The following CDC42BPB variants were observed in gnomAD, a reference collection of about 807,000 sequenced individuals.
CDC42BPB encodes CDC42 binding protein kinase beta.
In CDC42BPB, 37 loss-of-function variants were observed where a neutral mutation model predicts 214.9. The ratio of observed to expected loss-of-function variants is 0.17; its 90% CI spans 0.13 to 0.23. The LOEUF is 0.23. Ranked by LOEUF, CDC42BPB falls within the 10% of genes least tolerant of loss-of-function variation. CDC42BPB has a pLI of 1.00. For missense variants in CDC42BPB, 1,694 were observed against 2,227.0 expected, an observed-to-expected ratio of 0.76 and a Z score of 4.82; for synonymous variants, 931 against 884.0, an observed-to-expected ratio of 1.05 and a Z score of -0.94.
At chr14:102,996,144 T>C (rs1027434270) in intron 5 of CDC42BPB, among the ~76,000 whole-genome samples, 23 of 151,840 alleles carry the variant, frequency 1.5e-4, no homozygotes, top group South Asian at 2.1e-4. Context: ...TCAAGACCAT[T>C]CTGGCTAACA....
At chr14:103,040,066 A>G (rs1437331041) in intron 1 of CDC42BPB, among the ~76,000 whole-genome samples, 1 of 152,250 alleles carries the variant, frequency 6.6e-6, no homozygotes, top group Non-Finnish European at 1.5e-5. Flanking sequence ...GTAAAAATAG[A>G]TAAAGTGGCC....
chr14:103,048,681 C>G (rs1888438232), intron 1 of CDC42BPB, among the ~76,000 whole-genome samples: 1 of 150,402 alleles, frequency 6.6e-6, no homozygotes, highest in Admixed American at 6.7e-5. Flanking sequence ...GCACTCCAGC[C>G]TGGGCGACAG....
At position 102,947,426 on chromosome 14, in the gene CDC42BPB, C is replaced by T. The variant is rs34981882; in HGVS notation, c.3531+295G>A. On this transcript the variant is annotated intron_variant, in intron 27 of 36. Transcript: ENST00000361246. ...CAGCGCCCGCCTGGCAGTGCACACGCTGTGAGGACAGTGGCCGGGACGTGG... is the reference window on the plus strand; with the variant it reads ...CAGCGCCCGCCTGGCAGTGCACACGTTGTGAGGACAGTGGCCGGGACGTGG... Among the ~76,000 whole-genome samples, 424 of 152,314 alleles carry T rather than the reference C, an allele frequency of 2.8e-3. 3 individuals carry two copies. Among genetic ancestry groups the T allele is most frequent in the African/African-American group, 0.01 (416 of 41,580 alleles).
chr14:102,979,278 T>C (rs1010153886), intron 8 of CDC42BPB, among the ~76,000 whole-genome samples: 2 of 151,704 alleles, frequency 1.3e-5, no homozygotes, highest in Admixed American at 6.6e-5. Context: ...CAGTGGCGTA[T>C]TCTCAGGCAC....
intron 2 of CDC42BPB, 123 bp from the exon 3 acceptor site, chr14:103,008,678 C>A: frequency 6.8e-7 from 1 of 1,469,726 alleles, no homozygotes; most frequent in South Asian, 1.4e-5. Context: ...TGACCGAAAG[C>A]CAAGTTTCCC....
At chr14:103,031,578 G>A (rs1186571693) in intron 1 of CDC42BPB, among the ~76,000 whole-genome samples, 1 of 152,190 alleles carries the variant, frequency 6.6e-6, no homozygotes, top group African/African-American at 2.4e-5. Context: ...ATTTGATTAT[G>A]AAAATTGTAC....
intron 9 of CDC42BPB, among the ~76,000 whole-genome samples, chr14:102,977,371 G>A (rs1893800987): frequency 1.3e-5 from 2 of 151,646 alleles, no homozygotes; most frequent in Non-Finnish European, 2.9e-5. Flanking sequence ...AGAAGCATGG[G>A]GATATCTCCC....
At position 102,959,313 on chromosome 14, in the gene CDC42BPB, AT is replaced by A. The variant is rs1273231067; in HGVS notation, c.2901+317del. ...CTCCGTCTCAAAAAAAAAAAAAAAAATACTCACTACACAGCTGAGGCCAGTG... is the reference window on the plus strand; with the variant it reads ...CTCCGTCTCAAAAAAAAAAAAAAAAAACTCACTACACAGCTGAGGCCAGTG... On this transcript the variant is annotated intron_variant, in intron 21 of 36. Coordinates refer to ENST00000361246, the MANE Select transcript of CDC42BPB (RefSeq NM_006035.4). Among the ~76,000 whole-genome samples, 37 of 137,536 alleles carry A rather than the reference AT, an allele frequency of 2.7e-4. No individual in the cohort carries two copies. The South Asian group carries it at 8.2e-3, about 30-fold the overall frequency. The allele number at this position is 137,536 out of a possible 152,430, so 90.2% of individuals were successfully genotyped here. A position where few individuals can be genotyped will look rare whatever the true frequency, so the allele number is the denominator to read the frequency against.
intron 24 of CDC42BPB, among the ~76,000 whole-genome samples, chr14:102,951,154 C>T (rs1055519844): frequency 6.6e-6 from 1 of 152,334 alleles, no homozygotes; most frequent in Admixed American, 6.5e-5. Context: ...CCATGCTGTC[C>T]CTGCCAGCCC....
intron 1 of CDC42BPB, among the ~76,000 whole-genome samples, chr14:103,035,617 G>A (rs924135188): frequency 7.9e-5 from 12 of 152,014 alleles, no homozygotes; most frequent in African/African-American, 2.9e-4. Context: ...AAGGTGGGTG[G>A]ATCACGAGGT....
At chr14:103,042,033 C>CT in intron 1 of CDC42BPB, 2 of 212,118 alleles carry the variant, frequency 9.4e-6, no homozygotes, top group Admixed American at 1.0e-4. Context: ...ACGCCCGGCT[C>CT]TTTGGCATAC....
At position 102,940,346 on chromosome 14, in the gene CDC42BPB, G is replaced by A. The variant is rs1161373258; in HGVS notation, c.4409-22C>T. The A allele has an allele frequency of 7.7e-6, 12 of 1,553,706 alleles. No individual in the cohort carries two copies. The African/African-American group carries it at 1.2e-4, about 16-fold the overall frequency. On this transcript the variant is annotated intron_variant, in intron 30 of 36. Transcript: ENST00000361246. ...CAACCTAGCGCAGACGGAGCAGGGC[G>A]GGGTGAGCCACAGTGGCTCAGGAAC... is the stretch of plus-strand genomic sequence containing the variant.
intron 11 of CDC42BPB, 74 bp downstream of exon 11, chr14:102,975,610 G>C: frequency 7.0e-7 from 1 of 1,424,546 alleles, no homozygotes; most frequent in Non-Finnish European, 9.8e-7. Flanking sequence ...TTTATGAAAA[G>C]GACTCTGAAA....
chr14:102,958,589 C>T (rs186084191), intron 21 of CDC42BPB, among the ~76,000 whole-genome samples: 6 of 152,236 alleles, frequency 3.9e-5, no homozygotes, highest in Admixed American at 3.3e-4. Context: ...CCTGCCTCCA[C>T]GGAATGCCAC....
intron 1 of CDC42BPB, among the ~76,000 whole-genome samples, chr14:103,047,996 A>C (rs953795301): frequency 6.6e-6 from 1 of 152,122 alleles, no homozygotes; most frequent in African/African-American, 2.4e-5. Context: ...CACTCCACCA[A>C]AAGATGAAAG....
At chr14:102,934,000 T>G (rs1283326936) in intron 36 of CDC42BPB, 157 bp from the exon 37 acceptor site, 2 of 1,377,786 alleles carry the variant, frequency 1.5e-6, no homozygotes, top group African/African-American at 3.1e-5. Context: ...CAGCGATTCG[T>G]GGGGCCCTTA....
chr14:102,986,438 A>G (rs897136709), intron 6 of CDC42BPB, 49 bp downstream of exon 6: 7 of 1,360,310 alleles, frequency 5.1e-6, no homozygotes, highest in Non-Finnish European at 7.3e-6. Flanking sequence ...CCTTCTGACT[A>G]TATGCCAAAC....
At chr14:102,949,413 GC>G in intron 26 of CDC42BPB, among the ~76,000 whole-genome samples, 1 of 152,054 alleles carries the variant, frequency 6.6e-6, no homozygotes. Flanking sequence ...CGCACAGACG[GC>G]TGTGGGCCGC....
chr14:102,950,559 G>T lies in CDC42BPB; in HGVS notation c.3216C>A (p.Pro1072=), dbSNP rs1272291328. ...GCTCGGGAGGTATTGGGCACACCTG[G>T]GGGGCACCGTCTTTGCAGGACACGT... is the stretch of plus-strand genomic sequence containing the variant. ...ACHVSCKDGA[P]QVCPIPPEQS... is the part of the protein sequence containing the mutation. The change falls in exon 25 of 37, where the codon CCC becomes CCA. Residue 1072 remains proline, a synonymous_variant. Coordinates refer to ENST00000361246, the MANE Select transcript of CDC42BPB (RefSeq NM_006035.4). The T allele has an allele frequency of 4.4e-6, 7 of 1,608,732 alleles. No homozygotes were observed. The highest frequency in any genetic ancestry group is 5.9e-6 in the Non-Finnish European group (7 of 1,177,818).
Sources: gnomAD v4.1 joint callset for allele counts (sites outside exome capture counted in the v4.1 genomes callset) on GRCh38, gnomAD v4.1.1 for gene constraint, MANE v1.5 for transcripts, NCBI Gene and HGNC (gene_info 2026-07-23, HGNC 2026-07-21) for gene names.